UNKL: variants seen among roughly 807,000 people sequenced by gnomAD.
The protein encoded by UNKL is putative E3 ubiquitin-protein ligase UNKL.
Under a neutral mutation model 78.0 loss-of-function variants are expected in UNKL, and 60 were observed. That is an observed-to-expected ratio of 0.77 (90% CI 0.63 to 0.95). UNKL has a LOEUF of 0.95. UNKL is among the 40% of genes least tolerant of loss of function. UNKL has a pLI of 0.00. For synonymous variants in UNKL, 608 were observed against 474.8 expected, an observed-to-expected ratio of 1.28 and a Z score of -3.65; for missense variants, 1,159 against 1,045.7, an observed-to-expected ratio of 1.11 and a Z score of -1.49.
At position 1,414,700 on chromosome 16, in the gene UNKL, A is replaced by G. The variant is rs780891789; in HGVS notation, c.-9T>C. 2 of 1,125,770 alleles carry G rather than the reference A, an allele frequency of 1.8e-6. No homozygotes were observed. Among genetic ancestry groups the G allele is most frequent in the Non-Finnish European group, 1.1e-6 (1 of 910,160 alleles). 69.7% of individuals were successfully genotyped at this position (1,125,770 alleles called of 1,614,324 possible). A position where few individuals can be genotyped will look rare whatever the true frequency, so the allele number is the denominator to read the frequency against. On this transcript the variant is annotated 5_prime_UTR_variant, in exon 1 of 15. Transcript: ENST00000389221. ...TTCGAAACCGACGGCATTTTCAGTC[A>G]AAACAATGCAGCGCGCATGCGCCGC...
chr16:1,370,211 T>TGGCTGA lies in UNKL; in HGVS notation c.1498_1503dup (p.Ser500_Ala501dup), dbSNP rs1484405602. 6.5e-7 allele frequency: 1 copy of TGGCTGA among 1,529,538 alleles called. No homozygotes were observed. The highest frequency in any genetic ancestry group is 8.8e-7 in the Non-Finnish European group (1 of 1,136,892). The allele number at this position is 1,529,538 out of a possible 1,614,324, so 94.7% of individuals were successfully genotyped here. ...GGTGGCGGCTGCTGGGGAGGCGTCA[T>TGGCTGA]GGCTGAGGAGCCCACCGGCCCTGGG... On this transcript the variant is annotated inframe_insertion, in exon 12 of 15. Coordinates refer to ENST00000389221, the MANE Select transcript of UNKL (RefSeq NM_001372107.1).
chr16:1,407,475 G>C (rs1401339175), intron 2 of UNKL: 1 of 152,238 alleles, frequency 6.6e-6, no homozygotes, highest in Non-Finnish European at 1.5e-5. Flanking sequence ...TTTGGGAGGA[G>C]AGGTGGGTGG....
intron 10 of UNKL, among the ~76,000 whole-genome samples, chr16:1,384,708 C>T (rs966607269): frequency 5.3e-5 from 8 of 152,168 alleles, no homozygotes; most frequent in African/African-American, 1.9e-4. Flanking sequence ...AAGGGATCCT[C>T]CCACCTCAGC....
In UNKL at chr16:1,394,342, G is replaced by C. The variant is rs1053597841; in HGVS notation, c.853-127C>G. ...TAACAAGACACCCCTGAAAAGGGGGGCGTGGGCCCTGCCCTCCTCCACGTG... is the reference window on the plus strand; with the variant it reads ...TAACAAGACACCCCTGAAAAGGGGGCCGTGGGCCCTGCCCTCCTCCACGTG... On this transcript the variant is annotated intron_variant, in intron 6 of 14. Coordinates refer to ENST00000389221, the MANE Select transcript of UNKL (RefSeq NM_001372107.1). The C allele has an allele frequency of 6.9e-6, 8 of 1,159,618 alleles. No homozygotes were observed. The African/African-American group carries it at 1.2e-4, about 18-fold the overall frequency. The allele number at this position is 1,159,618 out of a possible 1,614,324, so 71.8% of individuals were successfully genotyped here.
intron 6 of UNKL, chr16:1,395,745 G>T (rs1284910133): frequency 4.4e-6 from 2 of 456,648 alleles, no homozygotes; most frequent in Non-Finnish European, 4.4e-6. Context: ...CCAGAGACTG[G>T]GGTCTGCAAC....
intron 10 of UNKL, among the ~76,000 whole-genome samples, chr16:1,371,905 G>C (rs1009851020): frequency 1.2e-4 from 18 of 152,186 alleles, no homozygotes; most frequent in Admixed American, 3.3e-4. Context: ...GCCCCTCAGA[G>C]TTTAAATACC....
chr16:1,397,957 C>G (rs2037351631), intron 5 of UNKL, among the ~76,000 whole-genome samples: 1 of 152,250 alleles, frequency 6.6e-6, no homozygotes, highest in Non-Finnish European at 1.5e-5. Context: ...CACGGACACG[C>G]AGGCCCGGCC....
At chr16:1,368,276 T>G in intron 12 of UNKL, 2 of 196,846 alleles carry the variant, frequency 1.0e-5, no homozygotes, top group South Asian at 1.2e-4. Flanking sequence ...TATGCAGCTT[T>G]AGAGACTATG....
intron 9 of UNKL, among the ~76,000 whole-genome samples, chr16:1,390,303 G>A (rs546691320): frequency 3.3e-5 from 5 of 152,246 alleles, no homozygotes; most frequent in African/African-American, 9.6e-5. Flanking sequence ...CTGTTGGAAC[G>A]GCCCCATCTG....
intron 11 of UNKL, among the ~76,000 whole-genome samples, chr16:1,370,773 G>A (rs1182788802): frequency 6.6e-6 from 1 of 152,206 alleles, no homozygotes; most frequent in Non-Finnish European, 1.5e-5. Flanking sequence ...AAAAGATGTT[G>A]TATACGATGT....
At chr16:1,400,417 CAAAAAAAAAAAAAAAAAAAAAAAAA>C (rs56093103) in intron 4 of UNKL, among the ~76,000 whole-genome samples, 5 of 30,760 alleles carry the variant, frequency 1.6e-4, no homozygotes, top group Non-Finnish European at 2.7e-4. Context: ...GACTCCATCT[CAAAAAAAAAAAAAAAAAAAAAAAAA>C]AAAAAAAAAA....
intron 7 of UNKL, 115 bp downstream of exon 7, chr16:1,394,016 T>A: frequency 9.3e-7 from 1 of 1,074,752 alleles, no homozygotes. Context: ...GGTGCTGAGC[T>A]CCTGCCCGCC....
intron 2 of UNKL, among the ~76,000 whole-genome samples, chr16:1,412,485 G>A (rs1418930896): frequency 6.6e-6 from 1 of 152,282 alleles, no homozygotes; most frequent in Non-Finnish European, 1.5e-5. Flanking sequence ...GGTGGCGGGT[G>A]CCTGTAATCC....
In UNKL at chr16:1,414,617, G is replaced by C. The variant is rs765612427; in HGVS notation, c.75C>G (p.Tyr25Ter). 9.1e-7 allele frequency: 1 copy of C among 1,097,038 alleles called. No individual in the cohort carries two copies. The highest frequency in any genetic ancestry group is 2.7e-5 in the South Asian group (1 of 36,906). The allele number at this position is 1,097,038 out of a possible 1,614,324, so 68.0% of individuals were successfully genotyped here. The part of the protein sequence containing the change: ...SPPQTEKPTH[Y>*]RYLKEFRTEQ... ...CCGCAGGCCGGACGGGCGCTGACCT[G>C]TAGTGGGTCGGCTTCTCAGTCTGCG... The change falls in exon 1 of 15, where the codon TAC becomes TAG. Residue 25 changes from tyrosine to a stop codon, truncating the protein, a stop_gained and splice_region_variant. Transcript: ENST00000389221. LOFTEE classifies it high-confidence loss of function.
chr16:1,379,134 GT>G (rs2036457192), intron 10 of UNKL: 1 of 152,264 alleles, frequency 6.6e-6, no homozygotes, highest in African/African-American at 2.4e-5. Flanking sequence ...AGGCGCCGCG[GT>G]CCCCCGGGGT....
Position 1,366,185 on chromosome 16 carries a change from C to A in UNKL, c.*55G>T. 7.0e-7 allele frequency: 1 copy of A among 1,436,034 alleles called. No homozygotes were observed. Among genetic ancestry groups the A allele is most frequent in the Non-Finnish European group, 9.2e-7 (1 of 1,085,296 alleles). 89.0% of individuals were successfully genotyped at this position (1,436,034 alleles called of 1,614,324 possible). On this transcript the variant is annotated 3_prime_UTR_variant, in exon 15 of 15. Coordinates refer to ENST00000389221, the MANE Select transcript of UNKL (RefSeq NM_001372107.1). ...AAGCGAGTGACGACATGTCCGTGGT[C>A]AGGAGGAGCGCTGGAGCCAGGGTGC...
At chr16:1,396,687 G>T (rs2142164991) in intron 6 of UNKL, among the ~76,000 whole-genome samples, 1 of 152,068 alleles carries the variant, frequency 6.6e-6, no homozygotes, top group East Asian at 1.9e-4. Context: ...TCCGCCTCCT[G>T]GGTTCACGCC....
intron 4 of UNKL, 128 bp downstream of exon 4, chr16:1,401,418 GGGCTTGGTATTGGACTCCACGA>G (rs1269255755): frequency 1.4e-5 from 14 of 1,035,722 alleles, no homozygotes; most frequent in Non-Finnish European, 1.6e-5. Flanking sequence ...CTGTTGGGGA[GGGCTTGGTATTGGACTCCACGA>G]GCCTCGGTTT....
At position 1,363,286 on chromosome 16, in the gene UNKL, T is replaced by C. The variant is rs1555452249; in HGVS notation, c.*2954A>G. The C allele has an allele frequency of 1.6e-6, 1 of 609,218 alleles. No homozygotes were observed. The highest frequency in any genetic ancestry group is 2.9e-6 in the Non-Finnish European group (1 of 342,576). 37.7% of individuals were successfully genotyped at this position (609,218 alleles called of 1,614,324 possible). ...GTAAACCATTGCATAAATGCTATAG[T>C]GTAAAAAAATTTAAACAAGTGTTAA... is the stretch of plus-strand genomic sequence containing the variant. On this transcript the variant is annotated 3_prime_UTR_variant, in exon 15 of 15. Transcript: ENST00000389221.
Sources: gnomAD v4.1 joint callset for allele counts (sites outside exome capture counted in the v4.1 genomes callset) on GRCh38, gnomAD v4.1.1 for gene constraint, MANE v1.5 for transcripts, NCBI Gene and HGNC (gene_info 2026-07-23, HGNC 2026-07-21) for gene names.